The following CYSLTR1 variants were observed in gnomAD, a reference collection of about 807,000 sequenced individuals.
The protein encoded by CYSLTR1 is cysteinyl leukotriene receptor 1.
In CYSLTR1, 1 loss-of-function variant was observed where a neutral mutation model predicts 2.1. That is an observed-to-expected ratio of 0.48 (90% CI 0.17 to 2.28). The LOEUF (loss-of-function observed/expected upper bound fraction) is 2.28, where lower values mean the gene tolerates loss of function less well. CYSLTR1 is among the 30% of genes most tolerant of loss of function. The pLI, the probability that CYSLTR1 is intolerant of heterozygous loss-of-function variation, is 0.26. For synonymous variants in CYSLTR1, 110 were observed against 89.6 expected, an observed-to-expected ratio of 1.23 and a Z score of -1.28; for missense variants, 299 against 250.1, an observed-to-expected ratio of 1.20 and a Z score of -1.32.
chrX:78,289,560 C>A (rs768063234), intron 1 of CYSLTR1, among the ~76,000 whole-genome samples: 5 of 112,150 alleles, frequency 4.5e-5, no homozygotes, highest in South Asian at 3.7e-4. Flanking sequence ...AATGGTTGAA[C>A]TAAAGTACAC....
intron 1 of CYSLTR1, among the ~76,000 whole-genome samples, chrX:78,324,285 C>A (rs138557266): frequency 1.2e-3 from 137 of 112,692 alleles, no homozygotes; most frequent in African/African-American, 4.1e-3. Context: ...AAAGGAATGG[C>A]TTTCTTTATT....
Position 78,273,417 on chromosome X carries a change from G to A in CYSLTR1, c.330C>T (p.Ser110=), listed in dbSNP as rs763906946. 6 of 1,209,469 alleles carry A rather than the reference G, an allele frequency of 5.0e-6. No homozygotes were observed. The highest frequency in any genetic ancestry group is 4.5e-6 in the Non-Finnish European group (4 of 894,936). Residue 110 remains serine, a synonymous_variant, in exon 3 of 3, where the codon AGC becomes AGT. Transcript: ENST00000373304. ...AGCTCATGGCTGTCATAAAGAAGAT[G>A]CTACAATAGAGGTTGACATACAAAG... ...TYALYVNLYC[S]IFFMTAMSFF...
chrX:78,272,655 A>AT lies in CYSLTR1; in HGVS notation c.*77dup, dbSNP rs1172647942. On this transcript the variant is annotated 3_prime_UTR_variant, in exon 3 of 3. Transcript: ENST00000373304. Reference sequence around the variant, plus strand: ...TTGTAAAATATTAAGTAAAATTTTTATTTTTTTTGTAAATGATTTGACAAA... The same window carrying AT: ...TTGTAAAATATTAAGTAAAATTTTTATTTTTTTTTGTAAATGATTTGACAAA... The AT allele has an allele frequency of 4.4e-5, 44 of 991,020 alleles. No homozygotes were observed. Among genetic ancestry groups the AT allele is most frequent in the East Asian group, 6.8e-5 (2 of 29,608 alleles). 81.7% of individuals were successfully genotyped at this position (991,020 alleles called of 1,213,427 possible). A position where few individuals can be genotyped will look rare whatever the true frequency, so the allele number is the denominator to read the frequency against.
chrX:78,302,886 G>C lies in CYSLTR1; in HGVS notation c.-114-19346C>G, dbSNP rs749033790. Among the ~76,000 whole-genome samples the C allele has an allele frequency of 7.2e-5, 8 of 111,157 alleles. No individual in the cohort carries two copies. In the East Asian group the frequency reaches 2.3e-3, roughly 32 times the overall value. On this transcript the variant is annotated intron_variant, in intron 1 of 2. Coordinates refer to ENST00000373304, the MANE Select transcript of CYSLTR1 (RefSeq NM_006639.4). ...TGAGCTGTGTAGCCAGGGGTTAGGG[G>C]AGGAATGATGCCAGCATTCTCTTAG...
intron 1 of CYSLTR1, among the ~76,000 whole-genome samples, chrX:78,297,800 T>C (rs1922638410): frequency 9.0e-6 from 1 of 111,562 alleles, no homozygotes; most frequent in Admixed American, 9.5e-5. Flanking sequence ...GATTGTTAAT[T>C]TTGCTTAACT....
chrX:78,317,974 A>C (rs1923488135), intron 1 of CYSLTR1, among the ~76,000 whole-genome samples: 1 of 110,881 alleles, frequency 9.0e-6, no homozygotes, highest in African/African-American at 3.3e-5. Flanking sequence ...AATACTATTA[A>C]AATTAAATTT....
intron 1 of CYSLTR1, among the ~76,000 whole-genome samples, chrX:78,315,681 G>C (rs980161500): frequency 1.8e-5 from 2 of 111,622 alleles, no homozygotes; most frequent in African/African-American, 6.5e-5. Context: ...GCTTTGGAAT[G>C]GGGAGGGAAG....
intron 1 of CYSLTR1, among the ~76,000 whole-genome samples, chrX:78,321,981 C>T (rs1267747400): frequency 1.8e-5 from 2 of 111,394 alleles, no homozygotes; most frequent in African/African-American, 6.5e-5. Context: ...GGAGGAGTGC[C>T]AACAGGAGTG....
chrX:78,275,857 G>T (rs1215194909), intron 2 of CYSLTR1, among the ~76,000 whole-genome samples: 4 of 111,672 alleles, frequency 3.6e-5, no homozygotes, highest in African/African-American at 6.5e-5. Flanking sequence ...CCCTCCCCTG[G>T]GGGAGAGTAT....
At chrX:78,310,424 C>T (rs1178200741) in intron 1 of CYSLTR1, among the ~76,000 whole-genome samples, 2 of 111,815 alleles carry the variant, frequency 1.8e-5, no homozygotes, top group Admixed American at 9.5e-5. Context: ...TCTTATATCA[C>T]CTCTTCCCTA....
At chrX:78,312,845 A>G (rs1000021866) in intron 1 of CYSLTR1, among the ~76,000 whole-genome samples, 1 of 112,369 alleles carries the variant, frequency 8.9e-6, no homozygotes, top group Non-Finnish European at 1.9e-5. Flanking sequence ...GAGAAAAGAG[A>G]GTGCTTATAC....
chrX:78,277,776 AG>A (rs1921661418), intron 2 of CYSLTR1, among the ~76,000 whole-genome samples: 1 of 112,169 alleles, frequency 8.9e-6, no homozygotes, highest in Non-Finnish European at 1.9e-5. Context: ...CCATATGCAA[AG>A]AACAGCAACA....
At chrX:78,318,826 T>G (rs2147275688) in intron 1 of CYSLTR1, 1 of 111,166 alleles carries the variant, frequency 9.0e-6, no homozygotes, top group South Asian at 3.7e-4. Context: ...CTATCCTTAT[T>G]TTATCCCTCG....
chrX:78,287,523 A>G (rs961003389), intron 1 of CYSLTR1, among the ~76,000 whole-genome samples: 1 of 111,496 alleles, frequency 9.0e-6, no homozygotes, highest in African/African-American at 3.3e-5. Flanking sequence ...TAAATAATTG[A>G]ATTGTACACT....
At chrX:78,293,474 A>G (rs1298185919) in intron 1 of CYSLTR1, among the ~76,000 whole-genome samples, 1 of 110,812 alleles carries the variant, frequency 9.0e-6, no homozygotes, top group Non-Finnish European at 1.9e-5. Flanking sequence ...GCTCTTCTTG[A>G]GGAGTATCTT....
chrX:78,324,904 A>G (rs1468999882), intron 1 of CYSLTR1, among the ~76,000 whole-genome samples: 2 of 111,348 alleles, frequency 1.8e-5, no homozygotes, highest in South Asian at 3.7e-4. Context: ...AGACACACAC[A>G]CACACACACA....
At chrX:78,312,050 T>C (rs763602900) in intron 1 of CYSLTR1, among the ~76,000 whole-genome samples, 1 of 111,834 alleles carries the variant, frequency 8.9e-6, no homozygotes, top group Non-Finnish European at 1.9e-5. Context: ...GGAACAAAGC[T>C]TGAGTCATCA....
At chrX:78,278,370 T>C (rs1191087752) in intron 2 of CYSLTR1, among the ~76,000 whole-genome samples, 1 of 111,611 alleles carries the variant, frequency 9.0e-6, no homozygotes, top group African/African-American at 3.3e-5. Context: ...CCATTCACAA[T>C]AGCCACAACA....
At chrX:78,310,518 G>A (rs1015325417) in intron 1 of CYSLTR1, among the ~76,000 whole-genome samples, 10 of 111,804 alleles carry the variant, frequency 8.9e-5, no homozygotes, top group African/African-American at 1.6e-4. Context: ...GTATCAATTC[G>A]GTGCTAGATA....
Sources: allele counts gnomAD v4.1 joint callset (sites outside exome capture counted in the v4.1 genomes callset), GRCh38; gene constraint gnomAD v4.1.1; transcripts MANE v1.5; gene names NCBI Gene and HGNC (gene_info 2026-07-23, HGNC 2026-07-21).